TUT4: variants seen among roughly 807,000 people sequenced by gnomAD.
The protein encoded by TUT4 is terminal uridylyltransferase 4.
TUT4 carries 36 observed loss-of-function variants against 192.2 expected under a neutral mutation model. The observed-to-expected ratio is 0.19, with a 90% confidence interval of 0.14 to 0.25. The LOEUF is 0.25. TUT4 is among the 10% of genes least tolerant of loss of function. The pLI, the probability that TUT4 is intolerant of heterozygous loss-of-function variation, is 1.00. For missense variants in TUT4, 1,493 were observed against 1,957.2 expected (o/e 0.76, Z 4.47); for synonymous variants, 618 against 666.0 (o/e 0.93, Z 1.11).
intron 7 of TUT4, among the ~76,000 whole-genome samples, chr1:52,491,456 G>A (rs1671118860): frequency 6.6e-6 from 1 of 152,138 alleles, no homozygotes; most frequent in African/African-American, 2.4e-5. Context: ...TTGGGAGGCC[G>A]AGGTGGGTGG....
At chr1:52,462,413 C>T (rs566129403) in intron 16 of TUT4, 1 of 152,348 alleles carries the variant, frequency 6.6e-6, no homozygotes, top group South Asian at 2.1e-4. Flanking sequence ...GTCTCGATCT[C>T]CTGACCTCGT....
rs1289239816 is a variant in TUT4, at chr1:52,522,849, TCA to T, written c.718+2712_718+2713del. 2.6e-5 allele frequency among the ~76,000 whole-genome samples: 4 copies of T among 151,934 alleles called. No individual in the cohort carries two copies. In the South Asian group the frequency reaches 8.3e-4, roughly 32 times the overall value. Reference sequence around the variant, plus strand: ...GCTGAGGTAGGAGAATCGCTTGAACTCAGAGGCAGAGGTTGCAGTGAGCCTAG... The same window carrying T: ...GCTGAGGTAGGAGAATCGCTTGAACTGAGGCAGAGGTTGCAGTGAGCCTAG... On this transcript the variant is annotated intron_variant, in intron 2 of 29. Coordinates refer to ENST00000257177, the MANE Select transcript of TUT4 (RefSeq NM_001009881.3).
At chr1:52,549,226 C>CGA in intron 1 of TUT4, among the ~76,000 whole-genome samples, 2 of 152,160 alleles carry the variant, frequency 1.3e-5, no homozygotes, top group Non-Finnish European at 2.9e-5. Flanking sequence ...ACCACTATCT[C>CGA]ACTTGGTGAT....
Position 52,436,856 on chromosome 1 carries a change from T to G in TUT4, c.4061A>C (p.Asp1354Ala). The G allele has an allele frequency of 6.2e-7, 1 of 1,613,806 alleles. No homozygotes were observed. The highest frequency in any genetic ancestry group is 8.5e-7 in the Non-Finnish European group (1 of 1,179,974). The change falls in exon 26 of 30, where the codon GAC (aspartate) becomes GCC (alanine). Residue 1354 changes from aspartate to alanine, a missense_variant. Around this residue, in one of 7 missense-constraint regions of TUT4, gnomAD observed 351 missense variants for 397.8 expected, o/e 0.88. Transcript: ENST00000257177. Reference protein sequence around the residue: ...RDLHDTRDFRDPRDLRCFICG... With the variant: ...RDLHDTRDFRAPRDLRCFICG... The stretch of plus-strand genomic sequence containing the variant: ...TATAAAACATCTGAGGTCTCTCGGG[T>G]CTCTAAAGTCTCGAGTATCGTGGAG...
chr1:52,530,712 A>G (rs1359837515), intron 1 of TUT4, among the ~76,000 whole-genome samples: 1 of 152,194 alleles, frequency 6.6e-6, no homozygotes, highest in Non-Finnish European at 1.5e-5. Context: ...TATTTTGAAG[A>G]TAAGGCTCAG....
At chr1:52,490,220 G>A (rs564096278) in intron 8 of TUT4, among the ~76,000 whole-genome samples, 13 of 142,356 alleles carry the variant, frequency 9.1e-5, no homozygotes, top group South Asian at 2.4e-4. Flanking sequence ...GCACAATCAC[G>A]GCTCACTGCA....
intron 3 of TUT4, among the ~76,000 whole-genome samples, chr1:52,510,448 C>T (rs1360083210): frequency 6.6e-6 from 1 of 151,696 alleles, no homozygotes; most frequent in Non-Finnish European, 1.5e-5. Flanking sequence ...AATCTGCCCT[C>T]GAATTGGGGA....
chr1:52,496,902 T>C, intron 5 of TUT4, 104 bp downstream of exon 5: 1 of 1,133,286 alleles, frequency 8.8e-7, no homozygotes, highest in South Asian at 1.6e-5. Context: ...TATCTACTTT[T>C]AAGGAGAAAA....
intron 3 of TUT4, among the ~76,000 whole-genome samples, chr1:52,512,639 T>C (rs999994118): frequency 6.6e-6 from 1 of 152,230 alleles, no homozygotes; most frequent in Non-Finnish European, 1.5e-5. Context: ...TAAAAAAAGT[T>C]AAACACTGTT....
chr1:52,463,543 C>A (rs1158935008), intron 16 of TUT4: 1 of 1,176,386 alleles, frequency 8.5e-7, no homozygotes, highest in Non-Finnish European at 1.1e-6. Context: ...TATAATGTAA[C>A]AGAGGCGATA....
intron 14 of TUT4, among the ~76,000 whole-genome samples, chr1:52,469,241 C>T (rs1225740003): frequency 6.6e-6 from 1 of 151,862 alleles, no homozygotes; most frequent in East Asian, 1.9e-4. Context: ...TAGACTGTGA[C>T]AAAATAATCT....
chr1:52,436,686 C>A, intron 26 of TUT4, 69 bp downstream of exon 26: 1 of 1,597,740 alleles, frequency 6.3e-7, no homozygotes, highest in South Asian at 1.1e-5. Flanking sequence ...GAATTAGGGT[C>A]ATTTAGCATG....
At chr1:52,522,229 ATTAAT>A (rs1680490307) in intron 2 of TUT4, among the ~76,000 whole-genome samples, 1 of 152,222 alleles carries the variant, frequency 6.6e-6, no homozygotes, top group Non-Finnish European at 1.5e-5. Flanking sequence ...AATCATTTTT[ATTAAT>A]TTGTTATACC....
At chr1:52,540,494 G>A (rs1166091846) in intron 1 of TUT4, among the ~76,000 whole-genome samples, 6 of 139,376 alleles carry the variant, frequency 4.3e-5, no homozygotes, top group Admixed American at 1.4e-4. Context: ...CAGCCTGGGC[G>A]AAAGAGCAAG....
Position 52,438,113 on chromosome 1 carries a change from T to G in TUT4, c.3938+107A>C, listed in dbSNP as rs192384785. 13 of 844,220 alleles carry G rather than the reference T, an allele frequency of 1.5e-5. No individual in the cohort carries two copies. In the East Asian group the frequency reaches 3.1e-4, roughly 20 times the overall value. The allele number at this position is 844,220 out of a possible 1,614,324, so 52.3% of individuals were successfully genotyped here. A position where few individuals can be genotyped will look rare whatever the true frequency, so the allele number is the denominator to read the frequency against. ...AATGAACATTTACCTTAGGTATAAT[T>G]AAATACCCTAAACTTTCTCAGTTAA... On this transcript the variant is annotated intron_variant, in intron 25 of 29. Transcript: ENST00000257177.
intron 28 of TUT4, among the ~76,000 whole-genome samples, chr1:52,429,727 G>T (rs1651411981): frequency 1.3e-5 from 2 of 151,634 alleles, no homozygotes; most frequent in Admixed American, 1.3e-4. Context: ...TGAGTAGCTG[G>T]GATTACAGGC....
intron 24 of TUT4, 24 bp from the exon 25 acceptor site, chr1:52,438,359 T>C: frequency 6.5e-7 from 1 of 1,547,726 alleles, no homozygotes; most frequent in Non-Finnish European, 8.8e-7. Flanking sequence ...GCAATTTTAC[T>C]AGGAGGAATC....
chr1:52,457,659 A>C (rs1464179451), intron 20 of TUT4, among the ~76,000 whole-genome samples: 1 of 152,214 alleles, frequency 6.6e-6, no homozygotes, highest in African/African-American at 2.4e-5. Flanking sequence ...AAAAATTTGA[A>C]TTGGATCCTC....
intron 11 of TUT4, among the ~76,000 whole-genome samples, chr1:52,479,528 T>C (rs1395324795): frequency 6.6e-6 from 1 of 151,962 alleles, no homozygotes; most frequent in Non-Finnish European, 1.5e-5. Flanking sequence ...AGACTTGATA[T>C]AGGGTATGAA....
Sources: allele counts gnomAD v4.1 joint callset (sites outside exome capture counted in the v4.1 genomes callset), GRCh38; gene constraint gnomAD v4.1.1; regional missense constraint gnomAD v4.1.1; transcripts MANE v1.5; gene names NCBI Gene and HGNC (gene_info 2026-07-23, HGNC 2026-07-21).